Variants in ADAMTS17 observed in about 807,000 individuals in gnomAD.
ADAMTS17 encodes the protein ADAM metallopeptidase with thrombospondin type 1 motif 17.
Under a neutral mutation model 141.5 loss-of-function variants are expected in ADAMTS17, and 113 were observed. The observed-to-expected ratio is 0.80, with a 90% CI of 0.69 to 0.93. The LOEUF (loss-of-function observed/expected upper bound fraction) is 0.93. Among genes scored for constraint, ADAMTS17 ranks in the 40% least tolerant of loss-of-function variants. The pLI is 0.00. For synonymous variants in ADAMTS17, 768 were observed against 630.6 expected (o/e 1.22, Z -3.27); for missense variants, 1,659 against 1,517.9 (o/e 1.09, Z -1.54).
chr15:100,089,993 A>T (rs28496538), intron 15 of ADAMTS17, among the ~76,000 whole-genome samples: 43 of 65,032 alleles, frequency 6.6e-4, no homozygotes, highest in African/African-American at 1.6e-3. Flanking sequence ...TAATAAAATT[A>T]AAAAAAAAAA....
At chr15:100,079,391 T>C (rs1596365352) in intron 15 of ADAMTS17, among the ~76,000 whole-genome samples, 1 of 152,314 alleles carries the variant, frequency 6.6e-6, no homozygotes, top group Non-Finnish European at 1.5e-5. Context: ...TTGATGTATG[T>C]GACAACATGC....
At chr15:100,014,733 A>G (rs1260006391) in intron 18 of ADAMTS17, among the ~76,000 whole-genome samples, 2 of 152,204 alleles carry the variant, frequency 1.3e-5, no homozygotes, top group Admixed American at 6.5e-5. Context: ...AGTGCCTGAT[A>G]TAATTTCAAT....
intron 6 of ADAMTS17, among the ~76,000 whole-genome samples, chr15:100,258,079 C>T (rs1018640006): frequency 2.0e-5 from 3 of 152,200 alleles, no homozygotes; most frequent in Non-Finnish European, 2.9e-5. Flanking sequence ...AGTAATATTC[C>T]CTTGTACATA....
At position 100,118,435 on chromosome 15, in the gene ADAMTS17, T is replaced by C. The variant is rs1420893247; in HGVS notation, c.1722-1422A>G. Among the ~76,000 whole-genome samples, 9 of 152,200 alleles carry C rather than the reference T, an allele frequency of 5.9e-5. No individual in the cohort carries two copies. The South Asian group carries it at 1.7e-3, about 28-fold the overall frequency. On this transcript the variant is annotated intron_variant, in intron 12 of 21. Coordinates refer to ENST00000268070, the MANE Select transcript of ADAMTS17 (RefSeq NM_139057.4). Reference sequence around the variant, plus strand: ...CCCTCCCCCAGGAGAAGAAGAGATCTAGAGAGATTAAACCTACTGGTGGCC... The same window carrying C: ...CCCTCCCCCAGGAGAAGAAGAGATCCAGAGAGATTAAACCTACTGGTGGCC...
intron 15 of ADAMTS17, among the ~76,000 whole-genome samples, chr15:100,092,589 C>A (rs1203504416): frequency 6.6e-6 from 1 of 152,156 alleles, no homozygotes; most frequent in Non-Finnish European, 1.5e-5. Context: ...GTACCATAAG[C>A]CCCAACAGTG....
chr15:100,282,641 G>A (rs571280739), intron 3 of ADAMTS17, among the ~76,000 whole-genome samples: 6 of 152,214 alleles, frequency 3.9e-5, no homozygotes, highest in South Asian at 2.1e-4. Flanking sequence ...ATGAAACTAC[G>A]GAAAGTGAAA....
intron 20 of ADAMTS17, chr15:99,980,859 G>A (rs1344664277): frequency 1.3e-5 from 2 of 152,222 alleles, no homozygotes; most frequent in African/African-American, 4.8e-5. Flanking sequence ...CCCTCTGAAA[G>A]GTCTTAGTCT....
intron 3 of ADAMTS17, among the ~76,000 whole-genome samples, chr15:100,292,274 G>A (rs763672833): frequency 2.0e-5 from 3 of 151,868 alleles, no homozygotes; most frequent in Non-Finnish European, 2.9e-5. Flanking sequence ...CGCTCAGCCC[G>A]TGAGAATCTA....
chr15:100,058,002 A>C (rs2032739183), intron 15 of ADAMTS17, among the ~76,000 whole-genome samples: 1 of 151,988 alleles, frequency 6.6e-6, no homozygotes, highest in South Asian at 2.1e-4. Flanking sequence ...CAGGCGAGGA[A>C]AGAAAATTAC....
rs1360329955 is a variant in ADAMTS17, at chr15:100,058,232, ATCCCAGCTCTG to A, written c.2138-4189_2138-4179del. 4.1e-4 allele frequency among the ~76,000 whole-genome samples: 6 copies of A among 14,812 alleles called. 1 individual carries two copies. Among genetic ancestry groups the A allele is most frequent in the South Asian group, 2.5e-3 (1 of 394 alleles). 9.7% of individuals were successfully genotyped at this position (14,812 alleles called of 152,430 possible). Reference sequence around the variant, plus strand: ...CCCCTATTCCGGCTCCAACACTCCTATCCCAGCTCTGACCCTCCTATCCCGGCTCTGACACC... The same window carrying A: ...CCCCTATTCCGGCTCCAACACTCCTAACCCTCCTATCCCGGCTCTGACACC... On this transcript the variant is annotated intron_variant, in intron 15 of 21. Transcript: ENST00000268070.
chr15:100,228,410 T>C (rs972829424), intron 7 of ADAMTS17, among the ~76,000 whole-genome samples: 13 of 152,200 alleles, frequency 8.5e-5, no homozygotes, highest in Admixed American at 5.2e-4. Flanking sequence ...TGCACATCAC[T>C]ATAATACTGG....
At chr15:100,221,475 G>T (rs12592736) in intron 7 of ADAMTS17, among the ~76,000 whole-genome samples, 2 of 152,000 alleles carry the variant, frequency 1.3e-5, no homozygotes, top group Middle Eastern at 3.2e-3. Context: ...ATGGTCAGCC[G>T]TTGGGAAATT....
intron 19 of ADAMTS17, among the ~76,000 whole-genome samples, chr15:99,995,025 T>A (rs987599388): frequency 6.7e-6 from 1 of 149,170 alleles, no homozygotes; most frequent in Non-Finnish European, 1.5e-5. Context: ...GTAGAGCTGG[T>A]TTAAAGGGTC....
At chr15:100,311,348 C>T (rs896027538) in intron 3 of ADAMTS17, among the ~76,000 whole-genome samples, 1 of 152,256 alleles carries the variant, frequency 6.6e-6, no homozygotes, top group Non-Finnish European at 1.5e-5. Flanking sequence ...CACTCAGCCG[C>T]CTGGCCCATG....
intron 7 of ADAMTS17, among the ~76,000 whole-genome samples, chr15:100,225,278 A>T (rs1283683151): frequency 6.6e-6 from 1 of 152,250 alleles, no homozygotes; most frequent in African/African-American, 2.4e-5. Context: ...CATACAAATC[A>T]TTCCTCTGTC....
intron 8 of ADAMTS17, among the ~76,000 whole-genome samples, chr15:100,193,233 G>A (rs529252655): frequency 6.6e-6 from 1 of 152,234 alleles, no homozygotes; most frequent in Non-Finnish European, 1.5e-5. Flanking sequence ...GTCACTTTAC[G>A]CTTTGCGCCA....
chr15:100,336,598 C>T (rs748835418), intron 2 of ADAMTS17, among the ~76,000 whole-genome samples: 3 of 152,182 alleles, frequency 2.0e-5, no homozygotes, highest in South Asian at 2.1e-4. Flanking sequence ...GGACTACGTA[C>T]CTTCCTCAGA....
At chr15:100,001,079 G>C (rs2060912720) in intron 18 of ADAMTS17, among the ~76,000 whole-genome samples, 2 of 152,148 alleles carry the variant, frequency 1.3e-5, no homozygotes, top group Admixed American at 6.5e-5. Flanking sequence ...CTTGGATGGA[G>C]ATATGGAAAA....
intron 7 of ADAMTS17, among the ~76,000 whole-genome samples, chr15:100,210,738 G>T (rs528537205): frequency 6.6e-6 from 1 of 152,280 alleles, no homozygotes; most frequent in African/African-American, 2.4e-5. Context: ...GGCCAAGGTG[G>T]GTGGATCACT....
Sources: allele counts gnomAD v4.1 joint callset (sites outside exome capture counted in the v4.1 genomes callset), GRCh38; gene constraint gnomAD v4.1.1; transcripts MANE v1.5; gene names NCBI Gene and HGNC (gene_info 2026-07-23, HGNC 2026-07-21).